The following SHROOM4 variants were observed in gnomAD, a reference collection of about 807,000 sequenced individuals.
SHROOM4 encodes shroom family member 4.
SHROOM4 carries 17 observed loss-of-function variants against 80.3 expected under a neutral mutation model. The observed-to-expected ratio is 0.21, with a 90% confidence interval of 0.14 to 0.32. SHROOM4 has a LOEUF of 0.32. Ranked by LOEUF, SHROOM4 falls within the 10% of genes least tolerant of loss-of-function variation. The pLI is 1.00. For missense variants in SHROOM4, 993 were observed against 1,140.3 expected, an observed-to-expected ratio of 0.87 and a Z score of 1.86; for synonymous variants, 400 against 437.5, an observed-to-expected ratio of 0.91 and a Z score of 1.07.
At chrX:50,771,333 CA>C (rs1354928367) in intron 1 of SHROOM4, among the ~76,000 whole-genome samples, 1 of 111,726 alleles carries the variant, frequency 9.0e-6, no homozygotes, top group African/African-American at 3.3e-5. Context: ...GTGTGGTTGG[CA>C]AAAAACAGAT....
chrX:50,651,625 C>T (rs1210789268), intron 2 of SHROOM4, among the ~76,000 whole-genome samples: 1 of 111,448 alleles, frequency 9.0e-6, no homozygotes, highest in South Asian at 3.9e-4. Context: ...AATACATGTG[C>T]AGAACGTGCA....
intron 2 of SHROOM4, among the ~76,000 whole-genome samples, chrX:50,678,235 G>A (rs1454388261): frequency 9.0e-6 from 1 of 111,472 alleles, no homozygotes; most frequent in African/African-American, 3.3e-5. Context: ...CTGATAGTCA[G>A]CCTAAACAGC....
intron 1 of SHROOM4, among the ~76,000 whole-genome samples, chrX:50,724,551 G>A (rs782422763): frequency 1.1e-4 from 12 of 112,813 alleles, no homozygotes; most frequent in Non-Finnish European, 2.2e-4. Context: ...TGCAACCTCC[G>A]CCTCCTGGGT....
intron 1 of SHROOM4, among the ~76,000 whole-genome samples, chrX:50,811,735 T>A: frequency 8.9e-6 from 1 of 111,965 alleles, no homozygotes; most frequent in Admixed American, 9.5e-5. Context: ...AACCCAGTTA[T>A]AACTGACTTT....
intron 1 of SHROOM4, among the ~76,000 whole-genome samples, chrX:50,779,485 G>C (rs1235600264): frequency 8.9e-6 from 1 of 112,028 alleles, no homozygotes; most frequent in Non-Finnish European, 1.9e-5. Flanking sequence ...ACTTAAACAT[G>C]AAGTGAACAG....
At chrX:50,622,522 A>G (rs953253154) in intron 5 of SHROOM4, among the ~76,000 whole-genome samples, 11 of 112,673 alleles carry the variant, frequency 9.8e-5, no homozygotes, top group Non-Finnish European at 1.7e-4. Flanking sequence ...GGAAAACCAA[A>G]TAACAGTGGA....
At chrX:50,788,143 T>C (rs1192693418) in intron 1 of SHROOM4, among the ~76,000 whole-genome samples, 1 of 111,802 alleles carries the variant, frequency 8.9e-6, no homozygotes, top group Non-Finnish European at 1.9e-5. Context: ...TTAATGTTAA[T>C]GATAAAAATA....
At chrX:50,652,660 G>C (rs1238476074) in intron 2 of SHROOM4, among the ~76,000 whole-genome samples, 3 of 112,065 alleles carry the variant, frequency 2.7e-5, no homozygotes, top group Non-Finnish European at 5.6e-5. Context: ...GCTATGTCCT[G>C]AATGGTATTG....
intron 1 of SHROOM4, among the ~76,000 whole-genome samples, chrX:50,775,433 T>A (rs782362637): frequency 7.2e-5 from 8 of 111,171 alleles, no homozygotes; most frequent in Non-Finnish European, 1.5e-4. Flanking sequence ...TAGGCATGAA[T>A]ACAAAGAGGG....
intron 1 of SHROOM4, among the ~76,000 whole-genome samples, chrX:50,808,050 G>C (rs1219420208): frequency 9.0e-6 from 1 of 111,558 alleles, no homozygotes; most frequent in Non-Finnish European, 1.9e-5. Context: ...TGCATCATGA[G>C]TGGGAGGAGG....
chrX:50,685,278 C>A (rs1156718237), intron 2 of SHROOM4, among the ~76,000 whole-genome samples: 1 of 111,297 alleles, frequency 9.0e-6, no homozygotes, highest in Non-Finnish European at 1.9e-5. Flanking sequence ...GCTTGATTGA[C>A]AAGGATGGGA....
At chrX:50,647,037 C>A (rs1557258016) in intron 2 of SHROOM4, among the ~76,000 whole-genome samples, 2 of 111,493 alleles carry the variant, frequency 1.8e-5, no homozygotes, top group Non-Finnish European at 3.8e-5. Context: ...AGAAGGTTGG[C>A]AGGAAGTAAC....
intron 2 of SHROOM4, among the ~76,000 whole-genome samples, chrX:50,663,231 G>T (rs1295685376): frequency 4.5e-5 from 5 of 111,402 alleles, no homozygotes; most frequent in African/African-American, 1.3e-4. Context: ...AACAAAAATT[G>T]ATGCCAAGCC....
At chrX:50,639,897 G>T (rs1459941490) in intron 2 of SHROOM4, among the ~76,000 whole-genome samples, 1 of 112,289 alleles carries the variant, frequency 8.9e-6, no homozygotes, top group Non-Finnish European at 1.9e-5. Context: ...CAAAGGCCAG[G>T]AAGTATAGCC....
intron 1 of SHROOM4, among the ~76,000 whole-genome samples, chrX:50,715,335 A>G (rs918169476): frequency 2.1e-4 from 23 of 110,838 alleles, no homozygotes; most frequent in African/African-American, 6.9e-4. Flanking sequence ...TCTCTCTCAT[A>G]CCTGTGTCCC....
intron 1 of SHROOM4, among the ~76,000 whole-genome samples, chrX:50,793,096 A>T (rs1935885583): frequency 9.1e-6 from 1 of 109,999 alleles, no homozygotes; most frequent in African/African-American, 3.3e-5. Flanking sequence ...CATAAGACAC[A>T]ATGAAATATC....
At chrX:50,632,808 T>A (rs1380132275) in intron 4 of SHROOM4, among the ~76,000 whole-genome samples, 1 of 112,149 alleles carries the variant, frequency 8.9e-6, no homozygotes, top group Non-Finnish European at 1.9e-5. Flanking sequence ...GATGAGGTAG[T>A]GAGACTCTTC....
At chrX:50,703,045 C>G (rs1933562404) in intron 1 of SHROOM4, among the ~76,000 whole-genome samples, 1 of 111,852 alleles carries the variant, frequency 8.9e-6, no homozygotes. Flanking sequence ...AAAACGTTAG[C>G]CTTCACAATA....
intron 6 of SHROOM4, among the ~76,000 whole-genome samples, chrX:50,605,874 A>C (rs1929641119): frequency 8.9e-6 from 1 of 112,514 alleles, no homozygotes; most frequent in Non-Finnish European, 1.9e-5. Flanking sequence ...AATACTTAAT[A>C]AATGTTCATC....
Sources: gnomAD v4.1 joint callset for allele counts (sites outside exome capture counted in the v4.1 genomes callset) on GRCh38, gnomAD v4.1.1 for gene constraint, MANE v1.5 for transcripts, NCBI Gene and HGNC (gene_info 2026-07-23, HGNC 2026-07-21) for gene names.